The following PPP1R12A variants were observed in gnomAD, a reference collection of about 807,000 sequenced individuals.
PPP1R12A encodes the protein protein phosphatase 1 regulatory subunit 12A.
PPP1R12A carries 19 observed loss-of-function variants against 139.6 expected under a neutral mutation model. The observed-to-expected ratio is 0.14, with a 90% CI of 0.09 to 0.20. The LOEUF is 0.20. Ranked by LOEUF, PPP1R12A falls within the 10% of genes least tolerant of loss-of-function variation. The probability of loss-of-function intolerance (pLI) is 1.00; values close to 1 mark genes in which losing one functional copy is unlikely to be tolerated. For missense variants in PPP1R12A, 925 were observed against 1,211.5 expected, an observed-to-expected ratio of 0.76 and a Z score of 3.51; for synonymous variants, 427 against 420.6, an observed-to-expected ratio of 1.02 and a Z score of -0.19.
At chr12:79,933,764 T>C (rs1008213126) in intron 1 of PPP1R12A, among the ~76,000 whole-genome samples, 27 of 152,208 alleles carry the variant, frequency 1.8e-4, no homozygotes, top group African/African-American at 6.5e-4. Context: ...TTGGCTAACA[T>C]TGAGAGATCC....
chr12:79,828,935 T>C (rs1435480596), intron 4 of PPP1R12A, among the ~76,000 whole-genome samples: 2 of 152,196 alleles, frequency 1.3e-5, no homozygotes, highest in East Asian at 3.8e-4. Flanking sequence ...ACTTGTTTTG[T>C]AATATTTCTG....
In PPP1R12A at chr12:79,934,737, G is replaced by C. The variant is rs1359127921; in HGVS notation, c.195C>G (p.Asp65Glu). Residue 65 changes from aspartate (D) to glutamate (E), a missense_variant, in exon 1 of 25, where the codon GAC (aspartate) becomes GAG (glutamate). By Grantham distance (45) the Asp-to-Glu change is conservative (BLOSUM62 2). Coordinates refer to ENST00000450142, the MANE Select transcript of PPP1R12A (RefSeq NM_002480.3). Reference protein sequence around the residue: ...EVLKLLHRGADINYANVDGLT... With the variant: ...EVLKLLHRGAEINYANVDGLT... Reference sequence around the variant, plus strand: ...GTCCGTCCACATTGGCGTAATTGATGTCGGCGCCGCGGTGCAGCAGCTTGA... The same window carrying C: ...GTCCGTCCACATTGGCGTAATTGATCTCGGCGCCGCGGTGCAGCAGCTTGA... 1 of 1,549,806 alleles carries C rather than the reference G, an allele frequency of 6.5e-7. No homozygotes were observed. The highest frequency in any genetic ancestry group is 8.7e-7 in the Non-Finnish European group (1 of 1,145,998).
At chr12:79,829,128 A>G (rs1877121798) in intron 4 of PPP1R12A, among the ~76,000 whole-genome samples, 1 of 152,186 alleles carries the variant, frequency 6.6e-6, no homozygotes, top group South Asian at 2.1e-4. Flanking sequence ...AGAGTTGCAT[A>G]AATTATGTTA....
chr12:79,921,160 G>T (rs1887406673), intron 1 of PPP1R12A, among the ~76,000 whole-genome samples: 1 of 151,964 alleles, frequency 6.6e-6, no homozygotes, highest in African/African-American at 2.4e-5. Context: ...TACAAAAGAT[G>T]ATTTTTTTTT....
intron 1 of PPP1R12A, among the ~76,000 whole-genome samples, chr12:79,896,679 AG>A (rs1462531298): frequency 6.6e-6 from 1 of 152,176 alleles, no homozygotes; most frequent in Non-Finnish European, 1.5e-5. Flanking sequence ...TAGTTCGTAA[AG>A]GGGTGAGTGA....
At chr12:79,911,868 C>G (rs1270662783) in intron 1 of PPP1R12A, among the ~76,000 whole-genome samples, 1 of 152,136 alleles carries the variant, frequency 6.6e-6, no homozygotes, top group Non-Finnish European at 1.5e-5. Flanking sequence ...GCAGCCGTCT[C>G]TTAAAAATGC....
chr12:79,882,548 G>A (rs1883732861), intron 1 of PPP1R12A, among the ~76,000 whole-genome samples: 1 of 152,138 alleles, frequency 6.6e-6, no homozygotes, highest in Non-Finnish European at 1.5e-5. Flanking sequence ...TTCTTGAGAG[G>A]GAATCTACTC....
intron 8 of PPP1R12A, 34 bp from the exon 9 acceptor site, chr12:79,817,552 C>G: frequency 6.5e-7 from 1 of 1,539,624 alleles, no homozygotes. Context: ...GTCAAGATTC[C>G]ATATATATTT....
rs1555244703 is a variant in PPP1R12A at position 79,905,342 on chromosome 12, C to CCT, written c.237+29352_237+29353insAG. Among the ~76,000 whole-genome samples the CCT allele has an allele frequency of 8.0e-4, 83 of 103,808 alleles. 2 individuals carry two copies. The highest frequency in any genetic ancestry group is 2.6e-3 in the African/African-American group (83 of 31,766). The allele number at this position is 103,808 out of a possible 152,430, so 68.1% of individuals were successfully genotyped here. ...TTCTAGAATGTTTTGTTTTGCCGCC[C>CCT]CCCCCCACCCCTTTTTTTTTGAAGG... is the stretch of plus-strand genomic sequence containing the variant. On this transcript the variant is annotated intron_variant, in intron 1 of 24. Transcript: ENST00000450142.
intron 1 of PPP1R12A, among the ~76,000 whole-genome samples, chr12:79,874,047 G>A (rs923360272): frequency 3.9e-5 from 6 of 152,056 alleles, no homozygotes; most frequent in Non-Finnish European, 5.9e-5. Flanking sequence ...AGGCCGAGGC[G>A]GGCAGATCAC....
intron 1 of PPP1R12A, among the ~76,000 whole-genome samples, chr12:79,891,017 A>T (rs1369711948): frequency 1.3e-5 from 2 of 151,756 alleles, no homozygotes; most frequent in Non-Finnish European, 2.9e-5. Flanking sequence ...AAGAGAAGGG[A>T]AATTTTTTTT....
chr12:79,857,531 C>T (rs1327597605), intron 2 of PPP1R12A, among the ~76,000 whole-genome samples: 1 of 151,668 alleles, frequency 6.6e-6, no homozygotes, highest in African/African-American at 2.4e-5. Flanking sequence ...TGTAACTAAC[C>T]TGCACATTGT....
chr12:79,908,181 C>A (rs1044141036), intron 1 of PPP1R12A, among the ~76,000 whole-genome samples: 1 of 152,152 alleles, frequency 6.6e-6, no homozygotes, highest in Admixed American at 6.5e-5. Context: ...ACAGTGTCTT[C>A]CACAGTAATT....
chr12:79,810,003 G>C lies in PPP1R12A; in HGVS notation c.1247C>G (p.Thr416Ser), dbSNP rs1162327782. Residue 416 changes from threonine to serine, a missense_variant, in exon 10 of 25, where the codon ACC (threonine) becomes AGC (serine). Around this residue, in one of 4 missense-constraint regions of PPP1R12A, gnomAD observed 403 missense variants for 463.7 expected, o/e 0.87. Transcript: ENST00000450142. ...TPTSPIKKFP[T>S]TATKISPKEE... ...TTTGGGAGAAATTTTTGTAGCTGTGGTTGGAAACTGTGTTTATTTTATTTT... is the reference window on the plus strand; with the variant it reads ...TTTGGGAGAAATTTTTGTAGCTGTGCTTGGAAACTGTGTTTATTTTATTTT... The C allele has an allele frequency of 3.7e-6, 6 of 1,608,288 alleles. No individual in the cohort carries two copies. Among genetic ancestry groups the C allele is most frequent in the Non-Finnish European group, 5.1e-6 (6 of 1,177,274 alleles).
chr12:79,804,644 G>GT (rs962982121), intron 14 of PPP1R12A, among the ~76,000 whole-genome samples: 3 of 148,202 alleles, frequency 2.0e-5, no homozygotes, highest in African/African-American at 7.6e-5. Context: ...CAGTATTTTA[G>GT]TAAAAAAAAA....
At chr12:79,805,003 A>C (rs1046128011) in intron 14 of PPP1R12A, among the ~76,000 whole-genome samples, 6 of 152,220 alleles carry the variant, frequency 3.9e-5, no homozygotes, top group Admixed American at 3.9e-4. Flanking sequence ...AAAAATATTT[A>C]AGCACACAAA....
rs1869644909 is a variant in PPP1R12A, at chr12:79,775,747, A to G, written c.*182T>C. Reference sequence around the variant, plus strand: ...AAAAAAAACAAAAAACAAACCAACAACAACAAAAACACCCCAGAAAATTAA... The same window carrying G: ...AAAAAAAACAAAAAACAAACCAACAGCAACAAAAACACCCCAGAAAATTAA... On this transcript the variant is annotated 3_prime_UTR_variant, in exon 25 of 25. Transcript: ENST00000450142. 2.4e-6 allele frequency: 1 copy of G among 420,366 alleles called. No individual in the cohort carries two copies. The highest frequency in any genetic ancestry group is 2.1e-5 in the African/African-American group (1 of 48,654). 26.0% of individuals were successfully genotyped at this position (420,366 alleles called of 1,614,324 possible).
At chr12:79,786,269 T>G (rs887333074) in intron 22 of PPP1R12A, 105 bp downstream of exon 22, 6 of 649,536 alleles carry the variant, frequency 9.2e-6, no homozygotes, top group Non-Finnish European at 1.5e-5. Context: ...TATTACCAAT[T>G]ATCAAACTTC....
intron 9 of PPP1R12A, among the ~76,000 whole-genome samples, chr12:79,813,634 C>T (rs1462807077): frequency 6.6e-6 from 1 of 152,054 alleles, no homozygotes; most frequent in African/African-American, 2.4e-5. Context: ...TTTATTTTGA[C>T]CAGAGAGGCT....
Sources: gnomAD v4.1 joint callset for allele counts (sites outside exome capture counted in the v4.1 genomes callset) on GRCh38, gnomAD v4.1.1 for gene constraint, gnomAD v4.1.1 regional missense constraint, MANE v1.5 for transcripts, NCBI Gene and HGNC (gene_info 2026-07-23, HGNC 2026-07-21) for gene names.